Variants in CBFA2T2 observed in about 807,000 individuals in gnomAD.
The protein encoded by CBFA2T2 is CBFA2/RUNX1 partner transcriptional co-repressor 2.
CBFA2T2 carries 11 observed loss-of-function variants against 62.2 expected under a neutral mutation model. That is an observed-to-expected ratio of 0.18 (90% CI 0.11 to 0.29). The LOEUF (loss-of-function observed/expected upper bound fraction) is 0.29, where lower values mean the gene tolerates loss of function less well. Ranked by LOEUF, CBFA2T2 falls within the 10% of genes least tolerant of loss-of-function variation. The pLI is 1.00. For synonymous variants in CBFA2T2, 295 were observed against 287.5 expected (o/e 1.03, Z -0.27); for missense variants, 592 against 774.1 (o/e 0.76, Z 2.79).
intron 5 of CBFA2T2, chr20:33,623,817 A>G (rs1342729774): frequency 1.4e-6 from 1 of 717,306 alleles, no homozygotes; most frequent in Non-Finnish European, 2.6e-6. Context: ...TCCAGACATG[A>G]GTATTTTTCG....
intron 1 of CBFA2T2, among the ~76,000 whole-genome samples, chr20:33,559,096 A>G (rs2013005761): frequency 6.6e-6 from 1 of 151,904 alleles, no homozygotes; most frequent in African/African-American, 2.4e-5. Context: ...TAGTTTTTTT[A>G]AATAGGTATT....
intron 1 of CBFA2T2, among the ~76,000 whole-genome samples, chr20:33,561,955 C>T (rs2013104434): frequency 2.0e-5 from 3 of 152,154 alleles, no homozygotes; most frequent in Admixed American, 2.0e-4. Context: ...TTATATTTTT[C>T]ATCCAATTAT....
intron 1 of CBFA2T2, among the ~76,000 whole-genome samples, chr20:33,597,962 C>T (rs2014959930): frequency 6.6e-6 from 1 of 152,074 alleles, no homozygotes; most frequent in Non-Finnish European, 1.5e-5. Flanking sequence ...CCAGGGGAGA[C>T]ATCATATGTC....
chr20:33,607,491 T>G (rs1186232687), intron 2 of CBFA2T2, among the ~76,000 whole-genome samples: 3 of 152,250 alleles, frequency 2.0e-5, no homozygotes, highest in African/African-American at 7.2e-5. Context: ...AATATTGTTG[T>G]ATTTGTTTAC....
chr20:33,556,795 G>A (rs909522009), intron 1 of CBFA2T2, among the ~76,000 whole-genome samples: 10 of 151,942 alleles, frequency 6.6e-5, no homozygotes, highest in African/African-American at 2.4e-4. Flanking sequence ...TCTAATGAAG[G>A]AATGCTTTCC....
chr20:33,559,626 A>G (rs1218457762), intron 1 of CBFA2T2, among the ~76,000 whole-genome samples: 3 of 152,058 alleles, frequency 2.0e-5, no homozygotes, highest in Non-Finnish European at 4.4e-5. Flanking sequence ...AGCTTGGATT[A>G]CAGGCGCCCA....
intron 1 of CBFA2T2, among the ~76,000 whole-genome samples, chr20:33,536,545 G>A (rs1168538357): frequency 6.6e-6 from 1 of 151,126 alleles, no homozygotes; most frequent in Non-Finnish European, 1.5e-5. Context: ...AGACGGGGTG[G>A]CTGCCGGGCG....
chr20:33,519,595 C>T (rs2011674805), intron 1 of CBFA2T2, among the ~76,000 whole-genome samples: 1 of 152,170 alleles, frequency 6.6e-6, no homozygotes, highest in South Asian at 2.1e-4. Context: ...GGATTCCTTG[C>T]ACCAGTCTAC....
Position 33,559,172 on chromosome 20 carries a change from C to CTTTTTTTTTTTTTTTTTTT in CBFA2T2, c.35-47781_35-47763dup, listed in dbSNP as rs376048540. 4.3e-4 allele frequency among the ~76,000 whole-genome samples: 38 copies of CTTTTTTTTTTTTTTTTTTT among 87,618 alleles called. 5 individuals are homozygous for CTTTTTTTTTTTTTTTTTTT. The highest frequency in any genetic ancestry group is 1.8e-3 in the African/African-American group (35 of 19,094). 57.5% of individuals were successfully genotyped at this position (87,618 alleles called of 152,430 possible). A position where few individuals can be genotyped will look rare whatever the true frequency, so the allele number is the denominator to read the frequency against. ...CAATTGCAGCTTCTTTTTTTCCTTTCTTTTTTTTTTTTTTTTTTTTTCTGA... is the reference window on the plus strand; with the variant it reads ...CAATTGCAGCTTCTTTTTTTCCTTTCTTTTTTTTTTTTTTTTTTTTTTTTTTTTTTTTTTTTTTTTCTGA... On this transcript the variant is annotated intron_variant, in intron 1 of 10. Transcript: ENST00000342704.
At chr20:33,579,797 G>T (rs886850054) in intron 1 of CBFA2T2, among the ~76,000 whole-genome samples, 2 of 147,920 alleles carry the variant, frequency 1.4e-5, no homozygotes, top group East Asian at 2.0e-4. Context: ...GTACATCTTG[G>T]TGTCTCTCTC....
intron 1 of CBFA2T2, among the ~76,000 whole-genome samples, chr20:33,529,786 T>TATATATATATATA (rs2012002738): frequency 7.9e-6 from 1 of 126,680 alleles, no homozygotes; most frequent in African/African-American, 3.3e-5. Flanking sequence ...TATATATTTC[T>TATATATATATATA]TTTTTTTTTT....
intron 1 of CBFA2T2, among the ~76,000 whole-genome samples, chr20:33,587,390 C>T (rs1387382284): frequency 6.6e-6 from 1 of 152,186 alleles, no homozygotes; most frequent in Non-Finnish European, 1.5e-5. Context: ...CCTCAGCCTC[C>T]CGAGTAGCTG....
At chr20:33,640,261 T>C in intron 9 of CBFA2T2, 80 bp from the exon 10 acceptor site, 1 of 1,286,774 alleles carries the variant, frequency 7.8e-7, no homozygotes, top group Admixed American at 2.1e-5. Flanking sequence ...TTGTGTCAGC[T>C]CTCTCCTTAC....
chr20:33,629,948 A>G, intron 8 of CBFA2T2, 34 bp downstream of exon 8: 1 of 1,557,420 alleles, frequency 6.4e-7, no homozygotes, highest in Middle Eastern at 2.1e-4. Context: ...CCCAAAATAA[A>G]TGTCAGCCTT....
intron 1 of CBFA2T2, among the ~76,000 whole-genome samples, chr20:33,560,532 A>G (rs1400016863): frequency 6.6e-6 from 1 of 152,240 alleles, no homozygotes; most frequent in Non-Finnish European, 1.5e-5. Context: ...CATGACAAAC[A>G]CTGAACCTGC....
intron 1 of CBFA2T2, chr20:33,601,825 GACAGGGTCTC>G: frequency 7.1e-6 from 1 of 141,046 alleles, no homozygotes; most frequent in South Asian, 2.2e-4. Context: ...TTTTTTTTGA[GACAGGGTCTC>G]ACCCTGTCAC....
At chr20:33,552,514 A>G (rs977540817) in intron 1 of CBFA2T2, among the ~76,000 whole-genome samples, 5 of 152,256 alleles carry the variant, frequency 3.3e-5, no homozygotes, top group Non-Finnish European at 5.9e-5. Context: ...TGTAAAAAAA[A>G]GGAAGACACT....
At chr20:33,500,130 G>A (rs1205283600) in intron 1 of CBFA2T2, among the ~76,000 whole-genome samples, 2 of 151,794 alleles carry the variant, frequency 1.3e-5, no homozygotes, top group African/African-American at 4.8e-5. Flanking sequence ...GCTAATTTTT[G>A]TATTTTTAGT....
intron 1 of CBFA2T2, among the ~76,000 whole-genome samples, chr20:33,570,653 T>C (rs2013525261): frequency 6.6e-6 from 1 of 152,226 alleles, no homozygotes; most frequent in East Asian, 1.9e-4. Flanking sequence ...TGTTAACCCT[T>C]CTTTCTGGTA....
Sources: gnomAD v4.1 joint callset for allele counts (sites outside exome capture counted in the v4.1 genomes callset) on GRCh38, gnomAD v4.1.1 for gene constraint, MANE v1.5 for transcripts, NCBI Gene and HGNC (gene_info 2026-07-23, HGNC 2026-07-21) for gene names.